The following PTK2 variants were observed in gnomAD, a reference collection of about 807,000 sequenced individuals.
PTK2 encodes focal adhesion kinase 1.
PTK2 carries 45 observed loss-of-function variants against 150.1 expected under a neutral mutation model. The ratio of observed to expected loss-of-function variants is 0.30; its 90% confidence interval spans 0.24 to 0.38. The LOEUF is 0.38. PTK2 is among the 10% of genes least tolerant of loss of function. The pLI is 1.00. For synonymous variants in PTK2, 432 were observed against 449.2 expected, an observed-to-expected ratio of 0.96 and a Z score of 0.48; for missense variants, 919 against 1,307.3, an observed-to-expected ratio of 0.70 and a Z score of 4.58.
Position 140,741,517 on chromosome 8 carries a change from G to A in PTK2, c.1735+1713C>T, listed in dbSNP as rs111337625. On this transcript the variant is annotated intron_variant, in intron 20 of 31. Transcript: ENST00000522684. ...GAATTTAAAAAATAAAATAGTGACA[G>A]GCAATAATATACAGAAGACATATGG... Among the ~76,000 whole-genome samples, 396 of 151,340 alleles carry A rather than the reference G, an allele frequency of 2.6e-3. 3 individuals carry two copies. Among genetic ancestry groups the A allele is most frequent in the African/African-American group, 9.1e-3 (375 of 41,314 alleles).
chr8:140,729,336 G>A (rs1337424524), intron 22 of PTK2, among the ~76,000 whole-genome samples: 1 of 152,194 alleles, frequency 6.6e-6, no homozygotes, highest in African/African-American at 2.4e-5. Context: ...CAGGCTCTCT[G>A]GATGACACCG....
intron 2 of PTK2, among the ~76,000 whole-genome samples, chr8:140,897,166 A>G (rs769130554): frequency 5.9e-5 from 9 of 152,196 alleles, no homozygotes; most frequent in Non-Finnish European, 1.3e-4. Flanking sequence ...AGCTAAACCA[A>G]AAATACCACA....
At chr8:140,992,578 T>C (rs954465818) in intron 1 of PTK2, among the ~76,000 whole-genome samples, 8 of 152,270 alleles carry the variant, frequency 5.3e-5, no homozygotes, top group East Asian at 1.9e-4. Flanking sequence ...TTCTAGATGA[T>C]AGTGATGCTA....
At chr8:140,780,907 C>T (rs761569240) in intron 14 of PTK2, among the ~76,000 whole-genome samples, 2 of 152,058 alleles carry the variant, frequency 1.3e-5, no homozygotes, top group East Asian at 1.9e-4. Flanking sequence ...GATGATGATA[C>T]GAAAAATCAT....
At chr8:140,879,479 C>T in exon 4 of PTK2, 1 of 1,609,224 alleles carries the variant, frequency 6.2e-7, no homozygotes, top group Non-Finnish European at 8.5e-7. Flanking sequence ...ACTTCCACTC[C>T]TCTGGTGGGT....
exon 4 of PTK2, chr8:140,879,551 C>A (rs1281085185): frequency 6.2e-7 from 1 of 1,613,786 alleles, no homozygotes; most frequent in South Asian, 1.1e-5. Context: ...GCCAGTGAAC[C>A]TCCTCTGACC....
rs184154017 is a variant in PTK2, at chr8:140,678,097, A to T, written c.2563-2598T>A. 1.3e-3 allele frequency among the ~76,000 whole-genome samples: 204 copies of T among 152,260 alleles called. 1 individual carries two copies. Among genetic ancestry groups the T allele is most frequent in the Middle Eastern group, 3.4e-3 (1 of 294 alleles). ...AGTCTCACTCTGTCGCCCAGGCTGGAGTGTAGTGGCACAATCTTGGCTCAC... is the reference window on the plus strand; with the variant it reads ...AGTCTCACTCTGTCGCCCAGGCTGGTGTGTAGTGGCACAATCTTGGCTCAC... On this transcript the variant is annotated intron_variant, in intron 27 of 31. Transcript: ENST00000522684.
intron 5 of PTK2, among the ~76,000 whole-genome samples, chr8:140,862,529 G>A (rs1358519492): frequency 1.3e-5 from 2 of 152,028 alleles, no homozygotes; most frequent in Middle Eastern, 3.4e-3. Context: ...CTGTATTATC[G>A]TAAACCCTCA....
intron 22 of PTK2, among the ~76,000 whole-genome samples, chr8:140,725,762 C>T (rs2100045365): frequency 6.6e-6 from 1 of 151,864 alleles, no homozygotes; most frequent in African/African-American, 2.4e-5. Context: ...GAGATTTGCA[C>T]TGCTGCTCAC....
chr8:140,765,736 T>C (rs2100071916), intron 14 of PTK2, among the ~76,000 whole-genome samples: 1 of 152,220 alleles, frequency 6.6e-6, no homozygotes, highest in Non-Finnish European at 1.5e-5. Context: ...TGTAGGCCTA[T>C]AGCTCTGCTT....
At chr8:140,773,690 A>G (rs1336631707) in intron 14 of PTK2, among the ~76,000 whole-genome samples, 2 of 152,190 alleles carry the variant, frequency 1.3e-5, no homozygotes, top group Non-Finnish European at 2.9e-5. Flanking sequence ...GTGAGGTCCC[A>G]GAGTGTCTAA....
Position 140,675,454 on chromosome 8 carries a change from C to G in PTK2, c.2602+6G>C. On this transcript the variant is annotated splice_donor_region_variant and intron_variant, in intron 28 of 31. Coordinates refer to ENST00000522684, the Ensembl canonical transcript of PTK2. ...CTTCTTTCCGCCCAATTCTTTTCTT[C>G]TTTACCTGGTTTACCCACAGGCTGA... 6.2e-7 allele frequency: 1 copy of G among 1,612,608 alleles called. No homozygotes were observed. Among genetic ancestry groups the G allele is most frequent in the East Asian group, 2.2e-5 (1 of 44,872 alleles).
At chr8:140,686,609 T>C (rs1469928802) in intron 27 of PTK2, 23 bp downstream of exon 30, 4 of 1,600,326 alleles carry the variant, frequency 2.5e-6, no homozygotes, top group Non-Finnish European at 2.6e-6. Flanking sequence ...GGAAATCAAA[T>C]CCTGCTGAAA....
intron 7 of PTK2, among the ~76,000 whole-genome samples, chr8:140,840,125 C>T (rs2100121425): frequency 6.6e-6 from 1 of 152,214 alleles, no homozygotes; most frequent in South Asian, 2.1e-4. Flanking sequence ...GTGGCATGAT[C>T]ATAGCTCACT....
At chr8:140,795,589 A>C (rs1442434421) in intron 12 of PTK2, among the ~76,000 whole-genome samples, 1 of 152,136 alleles carries the variant, frequency 6.6e-6, no homozygotes, top group Non-Finnish European at 1.5e-5. Context: ...TATATGCTAC[A>C]GTATTTATTT....
chr8:140,844,947 T>G (rs1489433354), intron 7 of PTK2, among the ~76,000 whole-genome samples: 1 of 152,186 alleles, frequency 6.6e-6, no homozygotes, highest in Non-Finnish European at 1.5e-5. Flanking sequence ...GTATCCATAG[T>G]GGCCCACGAC....
At chr8:140,952,087 T>C (rs995046850) in intron 1 of PTK2, among the ~76,000 whole-genome samples, 4 of 152,152 alleles carry the variant, frequency 2.6e-5, no homozygotes, top group African/African-American at 9.7e-5. Flanking sequence ...TTTTTACAGC[T>C]AATGTTGCTG....
At chr8:140,686,540 T>C (rs1049817493) in intron 27 of PTK2, 92 bp downstream of exon 30, 11 of 993,248 alleles carry the variant, frequency 1.1e-5, no homozygotes, top group Non-Finnish European at 1.7e-5. Context: ...CTATTACAAA[T>C]ATTAGTAAAC....
intron 2 of PTK2, among the ~76,000 whole-genome samples, chr8:140,895,887 A>G (rs1248016499): frequency 1.3e-5 from 2 of 152,198 alleles, no homozygotes. Context: ...AAAAGAATGC[A>G]TATTTAAAAG....
Sources: gnomAD v4.1 joint callset for allele counts (sites outside exome capture counted in the v4.1 genomes callset) on GRCh38, gnomAD v4.1.1 for gene constraint, MANE v1.5 for transcripts, NCBI Gene and HGNC (gene_info 2026-07-23, HGNC 2026-07-21) for gene names.